The following SYNCRIP variants were observed in gnomAD, a reference collection of about 807,000 sequenced individuals.
The protein encoded by SYNCRIP is heterogeneous nuclear ribonucleoprotein Q.
Under a neutral mutation model 68.9 loss-of-function variants are expected in SYNCRIP, and 9 were observed. The observed-to-expected ratio is 0.13, with a 90% CI of 0.08 to 0.23. The LOEUF is 0.23. Among genes scored for constraint, SYNCRIP ranks in the 10% least tolerant of loss-of-function variants. The pLI is 1.00. For missense variants in SYNCRIP, 414 were observed against 770.6 expected, an observed-to-expected ratio of 0.54 and a Z score of 5.48; for synonymous variants, 258 against 254.0, an observed-to-expected ratio of 1.02 and a Z score of -0.15.
At chr6:85,633,305 C>T (rs1191523180) in intron 6 of SYNCRIP, among the ~76,000 whole-genome samples, 2 of 147,090 alleles carry the variant, frequency 1.4e-5, no homozygotes, top group African/African-American at 2.5e-5. Context: ...AAACAATTTA[C>T]TTAAAAGTAG....
chr6:85,609,808 T>G (rs1805105824), downstream of SYNCRIP: 1 of 151,946 alleles, frequency 6.6e-6, no homozygotes, highest in Admixed American at 6.6e-5. Context: ...AATACATTTT[T>G]TACCCCAAGG....
chr6:85,632,769 C>G (rs1807951832), intron 6 of SYNCRIP, among the ~76,000 whole-genome samples: 1 of 151,802 alleles, frequency 6.6e-6, no homozygotes, highest in Admixed American at 6.6e-5. Context: ...TAGTGAGACA[C>G]CACCTCTACA....
downstream of SYNCRIP, chr6:85,611,036 T>TA (rs1185082621): frequency 6.6e-6 from 1 of 152,022 alleles, no homozygotes; most frequent in Non-Finnish European, 1.5e-5. Context: ...AATGAATACT[T>TA]ATTGACAAAT....
intron 6 of SYNCRIP, among the ~76,000 whole-genome samples, chr6:85,628,485 T>C (rs879384039): frequency 2.6e-5 from 4 of 152,238 alleles, no homozygotes; most frequent in Non-Finnish European, 5.9e-5. Context: ...TCAGTTGTTT[T>C]CTATGCTTGG....
At chr6:85,628,595 A>C (rs1045262110) in intron 6 of SYNCRIP, among the ~76,000 whole-genome samples, 6 of 152,208 alleles carry the variant, frequency 3.9e-5, no homozygotes, top group African/African-American at 1.4e-4. Context: ...CTGTAAACGC[A>C]GACTGAAACA....
chr6:85,640,991 T>C (rs1488130471), intron 2 of SYNCRIP, among the ~76,000 whole-genome samples: 1 of 152,196 alleles, frequency 6.6e-6, no homozygotes, highest in African/African-American at 2.4e-5. Flanking sequence ...AGAAGAATCC[T>C]ACTATAAAAA....
chr6:85,614,823 C>T lies in SYNCRIP; in HGVS notation c.1805G>A (p.Gly602Asp), dbSNP rs766018796. 1 of 1,613,628 alleles carries T rather than the reference C, an allele frequency of 6.2e-7. No individual in the cohort carries two copies. Among genetic ancestry groups the T allele is most frequent in the Non-Finnish European group, 8.5e-7 (1 of 1,179,916 alleles). Residue 602 changes from glycine to aspartate, a missense_variant, in exon 11 of 11, where the codon GGT becomes GAT. Gly to Asp is a moderately conservative substitution (Grantham distance 94). Coordinates refer to ENST00000369622, the MANE Select transcript of SYNCRIP (RefSeq NM_006372.5). Reference protein sequence around the residue: ...QQPLQGGDHSGNYGYKSENQE... With the variant: ...QQPLQGGDHSDNYGYKSENQE... ...GTTTTCAGATTTGTAACCATAGTTA[C>T]CAGAATGATCACCACCTTGGAGCGG...
intron 6 of SYNCRIP, among the ~76,000 whole-genome samples, chr6:85,627,195 G>A (rs1807151602): frequency 1.3e-5 from 2 of 151,242 alleles, no homozygotes; most frequent in Non-Finnish European, 2.9e-5. Context: ...TTGAAACTGG[G>A]CGGCAGGGGT....
At position 85,622,704 on chromosome 6, in the gene SYNCRIP, A is replaced by G. The variant is rs1021828772; in HGVS notation, c.803-17T>C. The G allele has an allele frequency of 5.0e-6, 8 of 1,602,922 alleles. No individual in the cohort carries two copies. Among genetic ancestry groups the G allele is most frequent in the Non-Finnish European group, 6.8e-6 (8 of 1,170,678 alleles). On this transcript the variant is annotated splice_polypyrimidine_tract_variant and intron_variant, in intron 7 of 10. Transcript: ENST00000369622. ...TAAGACCCTCTGCAAGTAAGCAACC[A>G]TTCCAGGAAAATTAGATGAAATAAC...
chr6:85,619,531 AAT>A, intron 8 of SYNCRIP, 114 bp from the exon 9 acceptor site: 16 of 965,076 alleles, frequency 1.7e-5, no homozygotes, highest in Non-Finnish European at 2.0e-5. Flanking sequence ...AGAATGTCAG[AAT>A]ATAAAAAAAA....
In SYNCRIP at chr6:85,614,599, A is replaced by G; in HGVS notation, c.*157T>C. On this transcript the variant is annotated 3_prime_UTR_variant, in exon 11 of 11. Transcript: ENST00000369622. ...TAAAATCAGTTCGCCAGAAGCAGTT[A>G]GAAGTGTGGCTTTGTTCGTGTCCAA... 3 of 1,304,602 alleles carry G rather than the reference A, an allele frequency of 2.3e-6. No individual in the cohort carries two copies. The highest frequency in any genetic ancestry group is 1.9e-6 in the Non-Finnish European group (2 of 1,027,448). The allele number at this position is 1,304,602 out of a possible 1,614,324, so 80.8% of individuals were successfully genotyped here.
rs1805501944 is a variant in SYNCRIP at position 85,614,101 on chromosome 6, A to G, written c.*655T>C. 4.1e-6 allele frequency: 4 copies of G among 985,904 alleles called. No individual in the cohort carries two copies. The highest frequency in any genetic ancestry group is 4.8e-6 in the Non-Finnish European group (4 of 829,946). 61.1% of individuals were successfully genotyped at this position (985,904 alleles called of 1,614,324 possible). A position where few individuals can be genotyped will look rare whatever the true frequency, so the allele number is the denominator to read the frequency against. On this transcript the variant is annotated 3_prime_UTR_variant, in exon 11 of 11. Coordinates refer to ENST00000369622, the MANE Select transcript of SYNCRIP (RefSeq NM_006372.5). ...TGTAATGTGCAGACATATTCCACACAAGAATTAACAAGGCACAAAACCCTT... is the reference window on the plus strand; with the variant it reads ...TGTAATGTGCAGACATATTCCACACGAGAATTAACAAGGCACAAAACCCTT...
At chr6:85,642,364 A>T (rs1809292312) in intron 1 of SYNCRIP, among the ~76,000 whole-genome samples, 1 of 152,070 alleles carries the variant, frequency 6.6e-6, no homozygotes. Flanking sequence ...AGTGACTGCG[A>T]CGCCTGCCCG....
chr6:85,620,291 G>A (rs1042068498), intron 8 of SYNCRIP, among the ~76,000 whole-genome samples: 1 of 152,176 alleles, frequency 6.6e-6, no homozygotes, highest in African/African-American at 2.4e-5. Context: ...AAACCAAGAT[G>A]TTCTTCAATG....
intron 4 of SYNCRIP, among the ~76,000 whole-genome samples, chr6:85,639,016 C>A (rs564510425): frequency 1.9e-4 from 29 of 152,040 alleles, no homozygotes; most frequent in Non-Finnish European, 4.0e-4. Flanking sequence ...GAGACCATCC[C>A]GGTCAACATG....
chr6:85,615,512 T>G (rs1805670346), intron 10 of SYNCRIP, among the ~76,000 whole-genome samples, 165 bp from the exon 11 acceptor site: 1 of 152,230 alleles, frequency 6.6e-6, no homozygotes. Context: ...GTAGTAATGA[T>G]CAGAGGATCA....
chr6:85,623,774 T>C (rs1243882267), intron 7 of SYNCRIP, among the ~76,000 whole-genome samples: 1 of 152,166 alleles, frequency 6.6e-6, no homozygotes, highest in Non-Finnish European at 1.5e-5. Context: ...CCTACTAACT[T>C]GTACAACGTT....
chr6:85,619,129 C>G (rs1481516292), intron 9 of SYNCRIP, 139 bp downstream of exon 9: 1 of 1,289,576 alleles, frequency 7.8e-7, no homozygotes, highest in Non-Finnish European at 1.1e-6. Flanking sequence ...CTGCCAACAT[C>G]ACTAAAACCA....
chr6:85,638,696 C>T (rs949862047), intron 4 of SYNCRIP, among the ~76,000 whole-genome samples: 2 of 152,206 alleles, frequency 1.3e-5, no homozygotes, highest in Non-Finnish European at 2.9e-5. Context: ...CATTCATAAA[C>T]TTGCTCACAT....
Sources: allele counts gnomAD v4.1 joint callset (sites outside exome capture counted in the v4.1 genomes callset), GRCh38; gene constraint gnomAD v4.1.1; transcripts MANE v1.5; gene names NCBI Gene and HGNC (gene_info 2026-07-23, HGNC 2026-07-21).